The following LRP2 variants were observed in gnomAD, a reference collection of about 807,000 sequenced individuals.
LRP2 encodes low-density lipoprotein receptor-related protein 2.
Under a neutral mutation model 531.0 loss-of-function variants are expected in LRP2, and 172 were observed. The ratio of observed to expected loss-of-function variants is 0.32; its 90% confidence interval spans 0.29 to 0.37. LRP2 has a LOEUF of 0.37. Among genes scored for constraint, LRP2 ranks in the 10% least tolerant of loss-of-function variants. The pLI is 1.00. For missense variants in LRP2, 5,167 were observed against 5,868.3 expected (o/e 0.88, Z 3.90); for synonymous variants, 1,992 against 2,027.6 (o/e 0.98, Z 0.47).
intron 1 of LRP2, 41 bp from the exon 2 acceptor site, chr2:169,320,925 A>G: frequency 1.5e-6 from 2 of 1,356,340 alleles, no homozygotes; most frequent in East Asian, 2.3e-5. Flanking sequence ...TATGCCATGC[A>G]GATATTTAAC....
intron 40 of LRP2, 126 bp downstream of exon 40, chr2:169,205,897 A>AT: frequency 7.6e-7 from 1 of 1,307,936 alleles, no homozygotes; most frequent in Non-Finnish European, 1.1e-6. Flanking sequence ...ATATGCTTTC[A>AT]TTTTTGAATC....
chr2:169,271,202 AT>A, intron 15 of LRP2, 95 bp from the exon 16 acceptor site: 1 of 749,912 alleles, frequency 1.3e-6, no homozygotes. Flanking sequence ...CAAACTTTAA[AT>A]TATAAAATAT....
chr2:169,356,909 G>C (rs369472764), intron 1 of LRP2, among the ~76,000 whole-genome samples: 1 of 152,140 alleles, frequency 6.6e-6, no homozygotes, highest in African/African-American at 2.4e-5. Context: ...TTAATTGCGA[G>C]ATATGTAGAC....
chr2:169,175,119 A>T, intron 55 of LRP2, 74 bp downstream of exon 55: 1 of 1,456,306 alleles, frequency 6.9e-7, no homozygotes, highest in Non-Finnish European at 9.6e-7. Flanking sequence ...ATATTCAGGA[A>T]ATACCCACAG....
At chr2:169,338,881 TACTA>T (rs371483708) in intron 1 of LRP2, among the ~76,000 whole-genome samples, 17 of 152,350 alleles carry the variant, frequency 1.1e-4, no homozygotes, top group East Asian at 5.8e-4. Context: ...CTCCACCTCT[TACTA>T]ACTATCTGAC....
At chr2:169,185,385 A>T in intron 50 of LRP2, 118 bp downstream of exon 50, 1 of 915,416 alleles carries the variant, frequency 1.1e-6, no homozygotes, top group Non-Finnish European at 1.7e-6. Flanking sequence ...AACCTGCAGA[A>T]ACATTAAATG....
chr2:169,204,006 C>T lies in LRP2; in HGVS notation c.7981G>A (p.Gly2661Ser). ...CCTGGTGCACAGATATGGCTGCAGC[C>T]CCCATTAAACTGTTCACAAGGATTG... ...CNNPCEQFNG[G>S]CSHICAPGPN... Residue 2661 changes from glycine to serine, a missense_variant, in exon 42 of 79, where the codon GGC becomes AGC. Gly to Ser is a moderately conservative substitution (Grantham distance 56). This residue lies in a region of LRP2 where 1,129 missense variants were observed against 1,362.7 expected (regional missense o/e 0.83). Transcript: ENST00000649046. 6.2e-7 allele frequency: 1 copy of T among 1,614,082 alleles called. No individual in the cohort carries two copies. The highest frequency in any genetic ancestry group is 1.1e-5 in the South Asian group (1 of 91,080).
In LRP2 at chr2:169,226,515, G is replaced by A; in HGVS notation, c.5301C>T (p.Ser1767=). 6.2e-7 allele frequency: 1 copy of A among 1,612,244 alleles called. No homozygotes were observed. The highest frequency in any genetic ancestry group is 8.5e-7 in the Non-Finnish European group (1 of 1,178,470). ...FGISLNPEVK[S]NDAMVPIAGI... is the part of the protein sequence containing the mutation. ...CTGCTATGGGGACCATAGCATCATT[G>A]CTCTTCACCTCAGGATTAAGGGAGA... Residue 1767 remains serine, a synonymous_variant, in exon 32 of 79, where the codon AGC becomes AGT. Coordinates refer to ENST00000649046, the MANE Select transcript of LRP2 (RefSeq NM_004525.3).
chr2:169,294,521 G>T (rs1312384261), intron 5 of LRP2, 79 bp downstream of exon 5: 1 of 1,025,196 alleles, frequency 9.8e-7, no homozygotes, highest in Non-Finnish European at 1.5e-6. Context: ...AACTTGGGAA[G>T]AGATGTACAT....
chr2:169,302,410 A>G (rs966553456), intron 4 of LRP2, among the ~76,000 whole-genome samples: 1 of 152,044 alleles, frequency 6.6e-6, no homozygotes, highest in Non-Finnish European at 1.5e-5. Context: ...AAATCCTTGC[A>G]CCTGTTCAGT....
At chr2:169,231,515 T>C (rs191410510) in intron 31 of LRP2, among the ~76,000 whole-genome samples, 199 bp downstream of exon 31, 2 of 152,140 alleles carry the variant, frequency 1.3e-5, no homozygotes, top group African/African-American at 4.8e-5. Context: ...ACAGATAACA[T>C]TAGTTCCATA....
chr2:169,181,834 A>G (rs924454594), intron 51 of LRP2, among the ~76,000 whole-genome samples: 2 of 151,886 alleles, frequency 1.3e-5, no homozygotes, highest in African/African-American at 4.8e-5. Context: ...GCTCACAAAT[A>G]AACATAGTTA....
At chr2:169,168,071 G>A (rs1686855504) in intron 61 of LRP2, among the ~76,000 whole-genome samples, 1 of 109,818 alleles carries the variant, frequency 9.1e-6, no homozygotes, top group Non-Finnish European at 1.9e-5. Flanking sequence ...GAGGGAATTA[G>A]ATGGCCTTGA....
intron 68 of LRP2, among the ~76,000 whole-genome samples, chr2:169,148,289 T>C (rs1195261527): frequency 6.6e-6 from 1 of 152,216 alleles, no homozygotes; most frequent in Non-Finnish European, 1.5e-5. Context: ...AGAGAGCAGA[T>C]TAGCAGGTAC....
chr2:169,153,050 C>A lies in LRP2; in HGVS notation c.12296-86G>T. The A allele has an allele frequency of 1.1e-5, 13 of 1,185,590 alleles. No homozygotes were observed. The South Asian group carries it at 1.6e-4, about 14-fold the overall frequency. 73.4% of individuals were successfully genotyped at this position (1,185,590 alleles called of 1,614,324 possible). A position where few individuals can be genotyped will look rare whatever the true frequency, so the allele number is the denominator to read the frequency against. On this transcript the variant is annotated intron_variant, in intron 66 of 78. Transcript: ENST00000649046. ...GGGTCTAATCAGGTGAAGTACTGTT[C>A]GTTTATTGACATCTCTACCTCCCTC... is the stretch of plus-strand genomic sequence containing the variant.
In LRP2 at chr2:169,168,652, T is replaced by C. The variant is rs1485924197; in HGVS notation, c.11522A>G (p.Tyr3841Cys). 1.2e-6 allele frequency: 2 copies of C among 1,614,090 alleles called. No individual in the cohort carries two copies. Among genetic ancestry groups the C allele is most frequent in the African/African-American group, 1.3e-5 (1 of 75,046 alleles). The change falls in exon 61 of 79, where the codon TAC (tyrosine) becomes TGC (cysteine). Residue 3841 changes from tyrosine (Y) to cysteine (C), a missense_variant. Tyr to Cys is a radical substitution (Grantham distance 194). This residue lies in a region of LRP2 where 564 missense variants were observed against 747.7 expected (regional missense o/e 0.75). Transcript: ENST00000649046. ...GCATTCGAACATAGTAGCCTGGCAG[T>C]ATGCACCATCAGGAAAGCGTGTGGC... ...DCPTRFPDGAYCQATMFECKN... is the reference protein window; with the variant it reads ...DCPTRFPDGACCQATMFECKN...
chr2:169,341,660 A>T (rs1685566358), intron 1 of LRP2, among the ~76,000 whole-genome samples: 2 of 152,176 alleles, frequency 1.3e-5, no homozygotes, highest in African/African-American at 4.8e-5. Context: ...TTAAAGTTAC[A>T]AGAAAGTAAA....
intron 77 of LRP2, among the ~76,000 whole-genome samples, 187 bp downstream of exon 77, chr2:169,132,387 G>A (rs964943516): frequency 1.3e-5 from 2 of 152,198 alleles, no homozygotes; most frequent in Non-Finnish European, 2.9e-5. Context: ...ATGTTAGAAT[G>A]TAGCTTTATT....
At chr2:169,287,305 A>C (rs992185983) in intron 9 of LRP2, among the ~76,000 whole-genome samples, 23 of 152,298 alleles carry the variant, frequency 1.5e-4, no homozygotes, top group African/African-American at 5.1e-4. Context: ...GGGCCTTCTT[A>C]AATTATTCCA....
Sources: allele counts gnomAD v4.1 joint callset (sites outside exome capture counted in the v4.1 genomes callset), GRCh38; gene constraint gnomAD v4.1.1; regional missense constraint gnomAD v4.1.1; transcripts MANE v1.5; gene names NCBI Gene and HGNC (gene_info 2026-07-23, HGNC 2026-07-21).